Variants in SPAG17 observed in about 807,000 individuals in gnomAD.
SPAG17 encodes sperm associated antigen 17.
SPAG17 carries 169 observed loss-of-function variants against 273.6 expected under a neutral mutation model. The ratio of observed to expected loss-of-function variants is 0.62; its 90% confidence interval spans 0.55 to 0.70. The LOEUF (loss-of-function observed/expected upper bound fraction) is 0.70. Ranked by LOEUF, SPAG17 falls within the 30% of genes least tolerant of loss-of-function variation. The pLI is 0.00. For synonymous variants in SPAG17, 825 were observed against 873.2 expected, an observed-to-expected ratio of 0.94 and a Z score of 0.97; for missense variants, 2,557 against 2,627.8, an observed-to-expected ratio of 0.97 and a Z score of 0.59.
At chr1:117,983,478 G>A (rs1168924295) in intron 42 of SPAG17, among the ~76,000 whole-genome samples, 1 of 152,156 alleles carries the variant, frequency 6.6e-6, no homozygotes, top group Non-Finnish European at 1.5e-5. Context: ...CCATTGTAAA[G>A]ATACATTTTC....
chr1:117,990,999 A>C lies in SPAG17; in HGVS notation c.5476-93T>G, dbSNP rs531330533. On this transcript the variant is annotated intron_variant, in intron 37 of 48. Transcript: ENST00000336338. Reference sequence around the variant, plus strand: ...TCTCTCAAGCTGATCTTTTGTAAAAACTACTATAAAATGAATTAGTTTAAA... The same window carrying C: ...TCTCTCAAGCTGATCTTTTGTAAAACCTACTATAAAATGAATTAGTTTAAA... 3.0e-5 allele frequency: 20 copies of C among 674,370 alleles called. No individual in the cohort carries two copies. The East Asian group carries it at 6.1e-4, about 20-fold the overall frequency. 41.8% of individuals were successfully genotyped at this position (674,370 alleles called of 1,614,324 possible).
chr1:118,135,583 T>C (rs933183157), intron 3 of SPAG17, among the ~76,000 whole-genome samples: 5 of 152,198 alleles, frequency 3.3e-5, no homozygotes, highest in Admixed American at 3.3e-4. Context: ...TTTCTGACCA[T>C]TCACATTTTT....
At position 118,148,292 on chromosome 1, in the gene SPAG17, G is replaced by A. The variant is rs1195421517; in HGVS notation, c.315+2251C>T. On this transcript the variant is annotated intron_variant, in intron 3 of 48. Coordinates refer to ENST00000336338, the MANE Select transcript of SPAG17 (RefSeq NM_206996.4). ...AGAATGAAGCCACTGACTTCGTGGT[G>A]TTACAGCTCTTAAAGTTGGTGCAGA... Among the ~76,000 whole-genome samples, 4 of 152,166 alleles carry A rather than the reference G, an allele frequency of 2.6e-5. No homozygotes were observed. In the East Asian group the frequency reaches 5.8e-4, roughly 22 times the overall value.
intron 12 of SPAG17, 84 bp downstream of exon 12, chr1:118,086,587 T>G: frequency 8.8e-7 from 1 of 1,133,334 alleles, no homozygotes; most frequent in Non-Finnish European, 1.3e-6. Context: ...TTGATGAAGT[T>G]ATCTAATTAG....
At chr1:117,976,584 T>C (rs767532772) in intron 43 of SPAG17, among the ~76,000 whole-genome samples, 9 of 152,170 alleles carry the variant, frequency 5.9e-5, no homozygotes, top group Non-Finnish European at 1.0e-4. Context: ...CTCTTGAGCT[T>C]TGACCTTCTG....
chr1:118,053,063 G>A (rs1262746839), intron 20 of SPAG17, among the ~76,000 whole-genome samples: 2 of 151,924 alleles, frequency 1.3e-5, no homozygotes, highest in Admixed American at 6.6e-5. Flanking sequence ...TGAACTTAAG[G>A]AAACAATGGA....
chr1:117,954,675 T>A (rs1172432175), intron 48 of SPAG17: 1 of 1,573,590 alleles, frequency 6.4e-7, no homozygotes, highest in Admixed American at 1.8e-5. Flanking sequence ...AAAGGTTACT[T>A]ACAAGGACAA....
intron 43 of SPAG17, among the ~76,000 whole-genome samples, chr1:117,979,598 T>C (rs548160219): frequency 2.0e-4 from 31 of 152,322 alleles, no homozygotes; most frequent in African/African-American, 7.0e-4. Context: ...AAATAAAAAT[T>C]AGCCATGTAA....
chr1:117,959,292 G>A, intron 48 of SPAG17: 1 of 1,610,194 alleles, frequency 6.2e-7, no homozygotes, highest in Non-Finnish European at 8.5e-7. Flanking sequence ...TGCACTCCAG[G>A]ATGTTATCGG....
chr1:118,100,397 A>G (rs1225693610), intron 5 of SPAG17, among the ~76,000 whole-genome samples: 3 of 152,194 alleles, frequency 2.0e-5, no homozygotes, highest in Non-Finnish European at 4.4e-5. Context: ...GGCCCTGGTT[A>G]TACTATTTTA....
At chr1:118,035,729 T>A (rs1649002604) in intron 24 of SPAG17, among the ~76,000 whole-genome samples, 1 of 152,208 alleles carries the variant, frequency 6.6e-6, no homozygotes, top group Non-Finnish European at 1.5e-5. Flanking sequence ...AGTTTATACA[T>A]CATAGAGTTT....
At position 118,117,137 on chromosome 1, in the gene SPAG17, T is replaced by A. The variant is rs577286751; in HGVS notation, c.316-1696A>T. 2.0e-5 allele frequency among the ~76,000 whole-genome samples: 3 copies of A among 152,366 alleles called. No individual in the cohort carries two copies. The South Asian group carries it at 6.2e-4, about 32-fold the overall frequency. ...GCTGACAATCAGGCTCTGTGACATC[T>A]GATTCAAAACATTCAAATGTGGGTT... is the stretch of plus-strand genomic sequence containing the variant. On this transcript the variant is annotated intron_variant, in intron 3 of 48. Transcript: ENST00000336338.
At chr1:117,966,854 G>A in intron 46 of SPAG17, 101 bp from the exon 47 acceptor site, 1 of 1,031,100 alleles carries the variant, frequency 9.7e-7, no homozygotes, top group Non-Finnish European at 1.3e-6. Flanking sequence ...TCTTACCTTT[G>A]GTTTCTTCAT....
At position 118,025,361 on chromosome 1, in the gene SPAG17, G is replaced by T. The variant is rs1448989213; in HGVS notation, c.3786C>A (p.Tyr1262Ter). 1 of 1,611,138 alleles carries T rather than the reference G, an allele frequency of 6.2e-7. No individual in the cohort carries two copies. Among genetic ancestry groups the T allele is most frequent in the Admixed American group, 1.7e-5 (1 of 59,304 alleles). ...ACTCATAGTGCTTCACCCTCTGGGG[G>T]TAGCTCTGACGGACCATGATGTCCC... ...PTWDIMVRQS[Y>*]PQRVKHYEFY... The change falls in exon 27 of 49, where the codon TAC becomes TAA. Residue 1262 changes from tyrosine (Y) to a stop codon, truncating the protein, a stop_gained. Transcript: ENST00000336338. LOFTEE classifies it high-confidence loss of function.
chr1:118,166,423 G>T (rs1170856552), intron 1 of SPAG17, among the ~76,000 whole-genome samples: 9 of 152,122 alleles, frequency 5.9e-5, no homozygotes, highest in Admixed American at 1.3e-4. Flanking sequence ...GCACTTCTCT[G>T]GACAGAGAAA....
intron 17 of SPAG17, among the ~76,000 whole-genome samples, chr1:118,072,190 C>T (rs1653668174): frequency 6.6e-6 from 1 of 152,174 alleles, no homozygotes; most frequent in Non-Finnish European, 1.5e-5. Context: ...AGAAAAAATG[C>T]TTTTTAATTT....
intron 44 of SPAG17, among the ~76,000 whole-genome samples, chr1:117,972,480 T>C (rs1358276624): frequency 6.6e-6 from 1 of 152,202 alleles, no homozygotes; most frequent in African/African-American, 2.4e-5. Context: ...TTATAACAAG[T>C]TCTTAGTGTT....
intron 28 of SPAG17, among the ~76,000 whole-genome samples, chr1:118,021,172 C>A (rs1232910629): frequency 6.6e-6 from 1 of 152,018 alleles, no homozygotes; most frequent in Non-Finnish European, 1.5e-5. Context: ...TATAATATTT[C>A]ATTTAGTTGA....
rs756678179 is a variant in SPAG17 at position 118,151,319 on chromosome 1, A to T, written c.138T>A (p.Asp46Glu). The T allele has an allele frequency of 3.1e-6, 5 of 1,613,248 alleles. No individual in the cohort carries two copies. Among genetic ancestry groups the T allele is most frequent in the Non-Finnish European group, 2.5e-6 (3 of 1,179,438 alleles). Residue 46 changes from aspartate to glutamate, a missense_variant, in exon 2 of 49, where the codon GAT (aspartate) becomes GAA (glutamate). By Grantham distance (45) the Asp-to-Glu change is conservative. Transcript: ENST00000336338. ...CGGTAAGGGCTTGGATGAGAAGATCATCTTCAATCTGGTTCCCAACCACAA... is the reference window on the plus strand; with the variant it reads ...CGGTAAGGGCTTGGATGAGAAGATCTTCTTCAATCTGGTTCCCAACCACAA... Reference protein sequence around the residue: ...IAFVVGNQIEDDLLIQALTVA... With the variant: ...IAFVVGNQIEEDLLIQALTVA...
Sources: gnomAD v4.1 joint callset for allele counts (sites outside exome capture counted in the v4.1 genomes callset) on GRCh38, gnomAD v4.1.1 for gene constraint, MANE v1.5 for transcripts, NCBI Gene and HGNC (gene_info 2026-07-23, HGNC 2026-07-21) for gene names.